Variants in MTHFD1L observed in about 807,000 individuals in gnomAD.
MTHFD1L encodes methylenetetrahydrofolate dehydrogenase (NADP+ dependent) 1 like.
In MTHFD1L, 81 loss-of-function variants were observed where a neutral mutation model predicts 119.5. The observed-to-expected ratio is 0.68, with a 90% CI of 0.57 to 0.82. The LOEUF (loss-of-function observed/expected upper bound fraction) is 0.82, where lower values mean the gene tolerates loss of function less well. MTHFD1L is among the 40% of genes least tolerant of loss of function. The probability of loss-of-function intolerance (pLI) is 0.00; values close to 1 mark genes in which losing one functional copy is unlikely to be tolerated. For missense variants in MTHFD1L, 1,125 were observed against 1,253.4 expected (o/e 0.90, Z 1.55); for synonymous variants, 430 against 475.2 (o/e 0.90, Z 1.24).
intron 8 of MTHFD1L, among the ~76,000 whole-genome samples, chr6:150,916,998 T>C (rs1022773940): frequency 6.6e-6 from 1 of 151,244 alleles, no homozygotes; most frequent in Non-Finnish European, 1.5e-5. Context: ...CGACCTCAGA[T>C]GATCCACCCG....
intron 20 of MTHFD1L, among the ~76,000 whole-genome samples, chr6:150,982,422 G>A (rs557555325): frequency 6.6e-5 from 10 of 152,264 alleles, no homozygotes; most frequent in Admixed American, 2.0e-4. Flanking sequence ...CATGTAGCAC[G>A]TGCATTTGTG....
At chr6:150,883,407 A>G (rs7765521) in intron 5 of MTHFD1L, among the ~76,000 whole-genome samples, 83,696 of 151,974 alleles carry the variant, frequency 0.55, 23,369 homozygotes, top group African/African-American at 0.63. Flanking sequence ...TAGTGCTTCA[A>G]TGCCATATGA....
intron 25 of MTHFD1L, among the ~76,000 whole-genome samples, chr6:151,035,121 G>C (rs1785970563): frequency 6.6e-6 from 1 of 152,206 alleles, no homozygotes; most frequent in African/African-American, 2.4e-5. Context: ...GAGATTGAAG[G>C]CTCCATCATC....
At chr6:150,894,644 C>A (rs1783917427) in intron 7 of MTHFD1L, among the ~76,000 whole-genome samples, 1 of 152,182 alleles carries the variant, frequency 6.6e-6, no homozygotes, top group Non-Finnish European at 1.5e-5. Context: ...GGCTGGAGAT[C>A]CCTGATGGGC....
rs564029504 is a variant in MTHFD1L, at chr6:151,023,894, A to G, written c.2586+8201A>G. Reference sequence around the variant, plus strand: ...GCTTTCTGACTTAAATTTAGATCACATGAGACCATTGCAGTGGAGAGAGTG... The same window carrying G: ...GCTTTCTGACTTAAATTTAGATCACGTGAGACCATTGCAGTGGAGAGAGTG... On this transcript the variant is annotated intron_variant, in intron 24 of 27. Coordinates refer to ENST00000367321, the MANE Select transcript of MTHFD1L (RefSeq NM_015440.5). Among the ~76,000 whole-genome samples the G allele has an allele frequency of 3.3e-5, 5 of 152,306 alleles. No homozygotes were observed. The South Asian group carries it at 1.0e-3, about 32-fold the overall frequency.
chr6:150,977,448 T>G (rs6939514), intron 20 of MTHFD1L, among the ~76,000 whole-genome samples: 66,151 of 152,070 alleles, frequency 0.44, 16,697 homozygotes, highest in African/African-American at 0.66. Context: ...TTGTGGCTGT[T>G]TCTTCCGTTA....
chr6:150,938,176 C>A (rs1401998507), intron 12 of MTHFD1L, among the ~76,000 whole-genome samples: 1 of 152,080 alleles, frequency 6.6e-6, no homozygotes, highest in African/African-American at 2.4e-5. Flanking sequence ...CGCCACCATG[C>A]CTAGCTAATT....
intron 26 of MTHFD1L, among the ~76,000 whole-genome samples, chr6:151,082,707 C>T (rs1305279016): frequency 1.3e-5 from 2 of 151,992 alleles, no homozygotes; most frequent in Admixed American, 1.3e-4. Context: ...AAACTCTAAA[C>T]TAGGGTCCTT....
At chr6:151,012,349 G>A (rs9322297) in intron 21 of MTHFD1L, among the ~76,000 whole-genome samples, 53,658 of 151,742 alleles carry the variant, frequency 0.35, 9,943 homozygotes, top group East Asian at 0.58. Context: ...CTGTATTTTT[G>A]AACCATGATT....
chr6:151,076,649 TAAAA>T (rs36053787), intron 26 of MTHFD1L, among the ~76,000 whole-genome samples: 2 of 116,854 alleles, frequency 1.7e-5, no homozygotes, highest in Admixed American at 9.0e-5. Flanking sequence ...ATACTCTGTC[TAAAA>T]AAAAAAAAAA....
intron 26 of MTHFD1L, among the ~76,000 whole-genome samples, chr6:151,084,984 AATAT>A (rs1222130429): frequency 0.037 from 3,805 of 102,702 alleles, 50 homozygotes; most frequent in Admixed American, 0.05. Flanking sequence ...AAAAAAAAAA[AATAT>A]ATATATATAT....
At chr6:150,946,480 C>T (rs887989916) in intron 15 of MTHFD1L, among the ~76,000 whole-genome samples, 1 of 152,172 alleles carries the variant, frequency 6.6e-6, no homozygotes. Context: ...GCAAACACTA[C>T]AATTATACTT....
intron 26 of MTHFD1L, among the ~76,000 whole-genome samples, chr6:151,088,732 C>A (rs1452889198): frequency 6.7e-6 from 1 of 150,362 alleles, no homozygotes; most frequent in Non-Finnish European, 1.5e-5. Context: ...GCTGGGATTA[C>A]AGGCATGAGC....
chr6:150,990,351 C>T (rs9478890), intron 20 of MTHFD1L, among the ~76,000 whole-genome samples: 48,744 of 152,004 alleles, frequency 0.32, 8,220 homozygotes, highest in East Asian at 0.64. Flanking sequence ...CAAGATAACC[C>T]TATAGCAAAA....
At chr6:150,872,878 C>T (rs1007059943) in intron 1 of MTHFD1L, among the ~76,000 whole-genome samples, 2 of 150,826 alleles carry the variant, frequency 1.3e-5, no homozygotes, top group South Asian at 2.1e-4. Flanking sequence ...CCCAGGCTGG[C>T]CTTGAACTCC....
intron 26 of MTHFD1L, among the ~76,000 whole-genome samples, chr6:151,084,720 C>T (rs1793556885): frequency 6.6e-6 from 1 of 151,824 alleles, no homozygotes; most frequent in South Asian, 2.1e-4. Flanking sequence ...AATCCCAGCA[C>T]TTTGGGAGGC....
At chr6:151,016,976 T>C (rs886546591) in intron 24 of MTHFD1L, among the ~76,000 whole-genome samples, 3 of 151,542 alleles carry the variant, frequency 2.0e-5, no homozygotes, top group African/African-American at 2.4e-5. Flanking sequence ...GGTTTCACCG[T>C]GTTGCCCGGG....
chr6:150,962,445 A>G (rs558659428), intron 18 of MTHFD1L, among the ~76,000 whole-genome samples: 1 of 152,304 alleles, frequency 6.6e-6, no homozygotes, highest in East Asian at 1.9e-4. Context: ...AAAAGTAACT[A>G]ATTTATTAAA....
intron 8 of MTHFD1L, among the ~76,000 whole-genome samples, chr6:150,915,273 C>T (rs1239284617): frequency 6.6e-6 from 1 of 151,974 alleles, no homozygotes; most frequent in Non-Finnish European, 1.5e-5. Context: ...TTTTCCTTAG[C>T]TCATCAGCTA....
Sources: allele counts gnomAD v4.1 joint callset (sites outside exome capture counted in the v4.1 genomes callset), GRCh38; gene constraint gnomAD v4.1.1; transcripts MANE v1.5; gene names NCBI Gene and HGNC (gene_info 2026-07-23, HGNC 2026-07-21).